The following ATF7IP2 variants were observed in gnomAD, a reference collection of about 807,000 sequenced individuals.
ATF7IP2 encodes activating transcription factor 7 interacting protein 2, also known as activating transcription factor 7-interacting protein 2.
A neutral mutation model predicts 64.2 loss-of-function variants in ATF7IP2; 42 were observed. The observed-to-expected ratio is 0.65, with a 90% CI of 0.51 to 0.85. The LOEUF is 0.85. Ranked by LOEUF, ATF7IP2 falls within the 40% of genes least tolerant of loss-of-function variation. ATF7IP2 has a pLI of 0.00. For synonymous variants in ATF7IP2, 308 were observed against 272.8 expected, an observed-to-expected ratio of 1.13 and a Z score of -1.27; for missense variants, 933 against 784.2, an observed-to-expected ratio of 1.19 and a Z score of -2.27.
intron 1 of ATF7IP2, among the ~76,000 whole-genome samples, chr16:10,402,673 A>G (rs565020428): frequency 6.6e-6 from 1 of 152,256 alleles, no homozygotes; most frequent in East Asian, 1.9e-4. Context: ...CCATGTTGCC[A>G]GACTGGTTTC....
intron 1 of ATF7IP2, among the ~76,000 whole-genome samples, chr16:10,388,598 G>T (rs190110352): frequency 6.6e-6 from 1 of 152,156 alleles, no homozygotes; most frequent in Non-Finnish European, 1.5e-5. Flanking sequence ...AGGCTTTTCA[G>T]TACTTGTTAT....
chr16:10,396,102 T>G lies in ATF7IP2; in HGVS notation c.-242+9980T>G, dbSNP rs529119274. On this transcript the variant is annotated intron_variant, in intron 1 of 13. Coordinates refer to ENST00000562102, the MANE Select transcript of ATF7IP2 (RefSeq NM_001393719.1). ...TCAGTGTACATAAATCTGTTTTATT[T>G]CCATATACTTGCAAAGAGGAATCCA... 4.6e-5 allele frequency among the ~76,000 whole-genome samples: 7 copies of G among 152,274 alleles called. No homozygotes were observed. In the South Asian group the frequency reaches 1.5e-3, roughly 32 times the overall value.
chr16:10,395,769 ACTTC>A (rs1262309952), intron 1 of ATF7IP2, among the ~76,000 whole-genome samples: 1 of 152,182 alleles, frequency 6.6e-6, no homozygotes, highest in Non-Finnish European at 1.5e-5. Context: ...AAAGTTTGGA[ACTTC>A]CTTAACTTGT....
intron 6 of ATF7IP2, among the ~76,000 whole-genome samples, chr16:10,434,407 C>T (rs1409876163): frequency 6.6e-6 from 1 of 152,110 alleles, no homozygotes; most frequent in Admixed American, 6.6e-5. Flanking sequence ...CTGTAATGGA[C>T]CGAAATTTCC....
At chr16:10,478,979 A>G (rs536193079) in intron 12 of ATF7IP2, among the ~76,000 whole-genome samples, 99 of 151,946 alleles carry the variant, frequency 6.5e-4, no homozygotes, top group African/African-American at 2.3e-3. Flanking sequence ...TAGAATGGCA[A>G]TCATTAAAAA....
intron 1 of ATF7IP2, chr16:10,387,493 A>C (rs958590941): frequency 6.6e-6 from 1 of 152,248 alleles, no homozygotes; most frequent in African/African-American, 2.4e-5. Context: ...TGGTGTATAT[A>C]GGTACATCTT....
intron 1 of ATF7IP2, among the ~76,000 whole-genome samples, chr16:10,388,948 C>G (rs1297163007): frequency 1.3e-5 from 2 of 151,476 alleles, no homozygotes; most frequent in African/African-American, 4.9e-5. Context: ...GGAGGCGGAG[C>G]TTGCAGTGAG....
intron 8 of ATF7IP2, chr16:10,454,351 A>C (rs2049094833): frequency 7.2e-6 from 1 of 138,898 alleles, no homozygotes; most frequent in Admixed American, 8.0e-5. Flanking sequence ...CGGAGGTTGC[A>C]GTGAGCCAAG....
intron 1 of ATF7IP2, among the ~76,000 whole-genome samples, chr16:10,388,967 G>A (rs1479077579): frequency 1.3e-5 from 2 of 151,328 alleles, no homozygotes; most frequent in Non-Finnish European, 2.9e-5. Context: ...AGCCGAGATC[G>A]CACCACTGCA....
intron 12 of ATF7IP2, among the ~76,000 whole-genome samples, chr16:10,479,544 T>C (rs1038978382): frequency 4.6e-5 from 7 of 151,950 alleles, no homozygotes; most frequent in African/African-American, 1.7e-4. Flanking sequence ...GAGATATACC[T>C]AATGCTAAAT....
intron 1 of ATF7IP2, among the ~76,000 whole-genome samples, chr16:10,406,684 G>A (rs979655111): frequency 3.3e-5 from 5 of 152,012 alleles, no homozygotes; most frequent in African/African-American, 4.8e-5. Context: ...CCATTCCTAG[G>A]CACATACAAC....
At chr16:10,457,716 G>A in intron 9 of ATF7IP2, 187 bp downstream of exon 9, 1 of 433,932 alleles carries the variant, frequency 2.3e-6, no homozygotes, top group Non-Finnish European at 3.9e-6. Context: ...GGGTTTTCTG[G>A]TGTTTTTTGA....
chr16:10,453,481 T>C (rs1451969309), intron 8 of ATF7IP2, among the ~76,000 whole-genome samples: 1 of 152,222 alleles, frequency 6.6e-6, no homozygotes. Context: ...TCACCTGCCT[T>C]CTGCATCAAT....
intron 1 of ATF7IP2, among the ~76,000 whole-genome samples, chr16:10,405,519 G>C (rs970583878): frequency 2.0e-5 from 3 of 152,212 alleles, no homozygotes; most frequent in South Asian, 2.1e-4. Context: ...ACATTCCACA[G>C]GGGCTTGGGC....
At chr16:10,427,852 CAAAAA>C (rs200441087) in intron 3 of ATF7IP2, among the ~76,000 whole-genome samples, 3 of 94,200 alleles carry the variant, frequency 3.2e-5, no homozygotes, top group Non-Finnish European at 6.7e-5. Context: ...GACCCTGTCT[CAAAAA>C]AAAAAAAAAA....
chr16:10,440,371 T>A lies in ATF7IP2; in HGVS notation c.1103T>A (p.Ile368Lys). The change falls in exon 8 of 14, where the codon ATA becomes AAA. Residue 368 changes from isoleucine to lysine, a missense_variant. Physicochemically the swap from Ile to Lys is moderately radical, Grantham distance 102. Transcript: ENST00000562102. ...EGIADKLLAK[I>K]AKLQRRIKTV... ...TTTCTCTTTTTCTTCTAGGCAAAAA[T>A]AGCAAAACTTCAAAGACGTATTAAA... 1 of 1,529,740 alleles carries A rather than the reference T, an allele frequency of 6.5e-7. No individual in the cohort carries two copies. Among genetic ancestry groups the A allele is most frequent in the East Asian group, 2.4e-5 (1 of 42,384 alleles). 94.8% of individuals were successfully genotyped at this position (1,529,740 alleles called of 1,614,324 possible). A position where few individuals can be genotyped will look rare whatever the true frequency, so the allele number is the denominator to read the frequency against.
In ATF7IP2 at chr16:10,482,255, G is replaced by A; in HGVS notation, c.*6G>A. 2 of 1,543,130 alleles carry A rather than the reference G, an allele frequency of 1.3e-6. No homozygotes were observed. Among genetic ancestry groups the A allele is most frequent in the Non-Finnish European group, 8.8e-7 (1 of 1,139,404 alleles). On this transcript the variant is annotated 3_prime_UTR_variant, in exon 14 of 14. Coordinates refer to ENST00000562102, the MANE Select transcript of ATF7IP2 (RefSeq NM_001393719.1). ...TTTCTGAAAATCTTACGTAAAAGGT[G>A]TTTAATAATGATATACTACTTTTTT...
Position 10,438,180 on chromosome 16 carries a change from G to T in ATF7IP2, c.1040G>T (p.Arg347Leu), listed in dbSNP as rs763026987. The T allele has an allele frequency of 5.6e-6, 9 of 1,606,142 alleles. No homozygotes were observed. Among genetic ancestry groups the T allele is most frequent in the Non-Finnish European group, 7.6e-6 (9 of 1,176,754 alleles). ...FDKKLKELNQ[R>L]IGKTECRNKH... ...AAGAAACTGAAAGAATTGAACCAAC[G>T]CATTGGGAAGACAGAGTGCAGAAAT... The change falls in exon 7 of 14, where the codon CGC (arginine) becomes CTC (leucine). Residue 347 changes from arginine (R) to leucine (L), a missense_variant. By Grantham distance (102) the Arg-to-Leu change is moderately radical. Coordinates refer to ENST00000562102, the MANE Select transcript of ATF7IP2 (RefSeq NM_001393719.1).
chr16:10,402,021 G>C (rs1027510592), intron 1 of ATF7IP2, among the ~76,000 whole-genome samples: 11 of 151,874 alleles, frequency 7.2e-5, no homozygotes, highest in Middle Eastern at 3.2e-3. Flanking sequence ...GTAGGTAGTA[G>C]TTTTCCAATT....
Sources: gnomAD v4.1 joint callset for allele counts (sites outside exome capture counted in the v4.1 genomes callset) on GRCh38, gnomAD v4.1.1 for gene constraint, MANE v1.5 for transcripts, NCBI Gene and HGNC (gene_info 2026-07-23, HGNC 2026-07-21) for gene names.